Variants in REXO5 observed in about 807,000 individuals in gnomAD.
REXO5 encodes the protein exonuclease NEF-sp.
In REXO5, 48 loss-of-function variants were observed where a neutral mutation model predicts 88.5. The observed-to-expected ratio is 0.54, with a 90% confidence interval of 0.43 to 0.69. REXO5 has a LOEUF of 0.69. Ranked by LOEUF, REXO5 falls within the 30% of genes least tolerant of loss-of-function variation. The pLI is 0.00. For missense variants in REXO5, 749 were observed against 912.2 expected (o/e 0.82, Z 2.30); for synonymous variants, 311 against 336.5 (o/e 0.92, Z 0.83).
intron 11 of REXO5, 142 bp from the exon 12 acceptor site, chr16:20,832,014 G>A: frequency 1.7e-6 from 1 of 590,228 alleles, no homozygotes; most frequent in Admixed American, 3.4e-5. Context: ...TGTGGCAATG[G>A]CAAAGCCACT....
intron 5 of REXO5, 76 bp from the exon 6 acceptor site, chr16:20,821,686 A>G: frequency 7.3e-7 from 1 of 1,373,712 alleles, no homozygotes; most frequent in Non-Finnish European, 9.7e-7. Context: ...TGCTTAGCCT[A>G]TACAACCTTA....
intron 2 of REXO5, among the ~76,000 whole-genome samples, chr16:20,808,059 A>G (rs1426527092): frequency 6.6e-6 from 1 of 152,134 alleles, no homozygotes; most frequent in African/African-American, 2.4e-5. Flanking sequence ...TGTGAGCCCT[A>G]TTGTGAACTT....
intron 3 of REXO5, 48 bp downstream of exon 3, chr16:20,813,350 T>A: frequency 1.1e-6 from 1 of 882,742 alleles, no homozygotes; most frequent in Non-Finnish European, 1.7e-6. Context: ...GTTTCTTTTT[T>A]TTTTTTTTTT....
intron 13 of REXO5, among the ~76,000 whole-genome samples, chr16:20,836,972 G>C (rs1184849210): frequency 6.6e-6 from 1 of 152,140 alleles, no homozygotes; most frequent in Non-Finnish European, 1.5e-5. Context: ...AAATTGGATT[G>C]TTCATTTTCT....
intron 2 of REXO5, chr16:20,807,378 A>G: frequency 2.7e-6 from 1 of 376,376 alleles, no homozygotes; most frequent in South Asian, 3.1e-5. Context: ...GGAGTTCGAG[A>G]CCAGCCTTGT....
At chr16:20,839,045 T>G (rs1029166267) in intron 13 of REXO5, among the ~76,000 whole-genome samples, 2 of 152,248 alleles carry the variant, frequency 1.3e-5, no homozygotes, top group African/African-American at 4.8e-5. Flanking sequence ...TAACTCATTG[T>G]TTCTGTGAGA....
In REXO5 at chr16:20,806,659, GC is replaced by G; in HGVS notation, c.-47del. The G allele has an allele frequency of 8.7e-7, 1 of 1,144,852 alleles. No individual in the cohort carries two copies. The highest frequency in any genetic ancestry group is 1.2e-6 in the Non-Finnish European group (1 of 837,762). The allele number at this position is 1,144,852 out of a possible 1,614,324, so 70.9% of individuals were successfully genotyped here. A position where few individuals can be genotyped will look rare whatever the true frequency, so the allele number is the denominator to read the frequency against. The stretch of plus-strand genomic sequence containing the variant: ...CCGCTCGGCAGCACCTTCCTTCTTT[GC>G]CAGGCAGACGCCCGTTGTAGCCGTT... On this transcript the variant is annotated 5_prime_UTR_variant, in exon 1 of 20. Coordinates refer to ENST00000261377, the MANE Select transcript of REXO5 (RefSeq NM_030941.3).
intron 6 of REXO5, among the ~76,000 whole-genome samples, chr16:20,822,902 T>C (rs1222343067): frequency 1.3e-5 from 2 of 152,250 alleles, no homozygotes; most frequent in African/African-American, 4.8e-5. Flanking sequence ...GTTGGGTATA[T>C]ACCTAGGAGT....
At chr16:20,835,883 A>G (rs962848155) in intron 13 of REXO5, among the ~76,000 whole-genome samples, 1 of 152,064 alleles carries the variant, frequency 6.6e-6, no homozygotes, top group African/African-American at 2.4e-5. Flanking sequence ...CACTGTCGCT[A>G]CAAAAAATTA....
chr16:20,810,653 C>T (rs1185832691), intron 2 of REXO5, among the ~76,000 whole-genome samples: 6 of 152,184 alleles, frequency 3.9e-5, no homozygotes, highest in Non-Finnish European at 7.3e-5. Flanking sequence ...ACCTCGGCTT[C>T]GCAAAGTGTT....
intron 2 of REXO5, among the ~76,000 whole-genome samples, chr16:20,812,423 A>G (rs1567381442): frequency 6.6e-6 from 1 of 152,092 alleles, no homozygotes; most frequent in African/African-American, 2.4e-5. Context: ...TACTCAGGAC[A>G]CTGAGGCAGG....
At chr16:20,823,146 C>G (rs1054967199) in intron 6 of REXO5, among the ~76,000 whole-genome samples, 2 of 152,182 alleles carry the variant, frequency 1.3e-5, no homozygotes, top group Non-Finnish European at 2.9e-5. Context: ...TGATTTTGAG[C>G]AACTTTTCAC....
chr16:20,846,905 A>C (rs911015471), intron 19 of REXO5, among the ~76,000 whole-genome samples: 1 of 152,222 alleles, frequency 6.6e-6, no homozygotes, highest in Admixed American at 6.5e-5. Context: ...ATTTGGAATA[A>C]ATCAGTTGAT....
intron 5 of REXO5, 61 bp downstream of exon 5, chr16:20,816,273 A>C (rs2081079632): frequency 7.2e-7 from 1 of 1,392,918 alleles, no homozygotes; most frequent in South Asian, 1.2e-5. Flanking sequence ...TATGATTGTA[A>C]GTAGGTTTAG....
intron 13 of REXO5, 40 bp downstream of exon 13, chr16:20,833,163 CAGAGGGGAA>C: frequency 6.3e-7 from 1 of 1,594,368 alleles, no homozygotes; most frequent in Non-Finnish European, 8.6e-7. Context: ...ATATTCAAAG[CAGAGGGGAA>C]TGTAGCCCTT....
chr16:20,846,273 T>C lies in REXO5; in HGVS notation c.2177T>C (p.Ile726Thr). ...KIAAWRWSRK[I>T]GKLYNSLCPG... is the part of the protein sequence containing the mutation. Reference sequence around the variant, plus strand: ...GCAGCCTGGCGCTGGAGCCGGAAGATTGGAAAGCTCTACAACAGCTTGTGC... The same window carrying C: ...GCAGCCTGGCGCTGGAGCCGGAAGACTGGAAAGCTCTACAACAGCTTGTGC... Residue 726 changes from isoleucine to threonine, a missense_variant, in exon 19 of 20, where the codon ATT (isoleucine) becomes ACT (threonine). Physicochemically the swap from Ile to Thr is moderately conservative, Grantham distance 89. Coordinates refer to ENST00000261377, the MANE Select transcript of REXO5 (RefSeq NM_030941.3). 1 of 1,614,004 alleles carries C rather than the reference T, an allele frequency of 6.2e-7. No homozygotes were observed.
chr16:20,813,354 T>C (rs1311203673), intron 3 of REXO5, 52 bp downstream of exon 3: 4 of 946,366 alleles, frequency 4.2e-6, no homozygotes, highest in Admixed American at 2.7e-5. Context: ...CTTTTTTTTT[T>C]TTTTTTTTTT....
intron 13 of REXO5, among the ~76,000 whole-genome samples, chr16:20,838,578 G>A (rs1315963063): frequency 6.6e-6 from 1 of 152,066 alleles, no homozygotes; most frequent in Non-Finnish European, 1.5e-5. Context: ...TCTTCTCTGG[G>A]GTTATGCATG....
rs1030599923 is a variant in REXO5, at chr16:20,828,499, G to C, written c.1120G>C (p.Glu374Gln). 13 of 1,613,866 alleles carry C rather than the reference G, an allele frequency of 8.1e-6. No homozygotes were observed. In the African/African-American group the frequency reaches 1.7e-4, roughly 22 times the overall value. Residue 374 changes from glutamate (E) to glutamine (Q), a missense_variant, in exon 11 of 20, where the codon GAA becomes CAA. By Grantham distance (29) the Glu-to-Gln change is conservative. Coordinates refer to ENST00000261377, the MANE Select transcript of REXO5 (RefSeq NM_030941.3). ...CACAGAAGATGCTAGAACAATCCTT[G>C]AATTGGCTCGGTATTTCCTTAAGCA... ...DATEDARTILELARYFLKHGP... is the reference protein window; with the variant it reads ...DATEDARTILQLARYFLKHGP...
Sources: gnomAD v4.1 joint callset for allele counts (sites outside exome capture counted in the v4.1 genomes callset) on GRCh38, gnomAD v4.1.1 for gene constraint, MANE v1.5 for transcripts, NCBI Gene and HGNC (gene_info 2026-07-23, HGNC 2026-07-21) for gene names.